The following COL28A1 variants were observed in gnomAD, a reference collection of about 807,000 sequenced individuals.
The protein encoded by COL28A1 is collagen alpha-1(XXVIII) chain.
Under a neutral mutation model 150.2 loss-of-function variants are expected in COL28A1, and 161 were observed. The ratio of observed to expected loss-of-function variants is 1.07; its 90% CI spans 0.94 to 1.22. The LOEUF is 1.22. COL28A1 is among the 50% of genes most tolerant of loss of function. The probability of loss-of-function intolerance (pLI) is 0.00; values close to 1 mark genes in which losing one functional copy is unlikely to be tolerated. For missense variants in COL28A1, 1,617 were observed against 1,388.3 expected (o/e 1.16, Z -2.62); for synonymous variants, 552 against 469.7 (o/e 1.18, Z -2.26).
intron 25 of COL28A1, among the ~76,000 whole-genome samples, chr7:7,424,554 C>T (rs1343029246): frequency 6.6e-6 from 1 of 152,018 alleles, no homozygotes; most frequent in East Asian, 1.9e-4. Context: ...ACATAGCTTC[C>T]CACGCAACAG....
intron 1 of COL28A1, among the ~76,000 whole-genome samples, 183 bp downstream of exon 1, chr7:7,535,567 A>C (rs1782596988): frequency 6.6e-6 from 1 of 152,196 alleles, no homozygotes; most frequent in South Asian, 2.1e-4. Flanking sequence ...TTAAGTTTTA[A>C]ATTTCTACAT....
At chr7:7,527,140 C>T (rs1013434628) in intron 3 of COL28A1, among the ~76,000 whole-genome samples, 1 of 152,098 alleles carries the variant, frequency 6.6e-6, no homozygotes, top group African/African-American at 2.4e-5. Flanking sequence ...TTTGTGTTTG[C>T]TGGAATTTAT....
At chr7:7,420,218 A>G (rs187406766) in intron 25 of COL28A1, 201 of 260,800 alleles carry the variant, frequency 7.7e-4, no homozygotes, top group Non-Finnish European at 1.2e-3. Context: ...AAAAGTAATT[A>G]CGAGTATTGT....
At chr7:7,438,080 C>T (rs78897725) in intron 21 of COL28A1, among the ~76,000 whole-genome samples, 1 of 132,660 alleles carries the variant, frequency 7.5e-6, no homozygotes, top group South Asian at 2.4e-4. Flanking sequence ...ACTAAAAATA[C>T]AAAAAAAAAA....
At position 7,442,008 on chromosome 7, in the gene COL28A1, A is replaced by T. The variant is rs530600002; in HGVS notation, c.1651-1147T>A. Among the ~76,000 whole-genome samples the T allele has an allele frequency of 5.3e-5, 8 of 152,274 alleles. No homozygotes were observed. In the South Asian group the frequency reaches 1.7e-3, roughly 32 times the overall value. ...CCACTACCACTAATTTAGGTTATTG[A>T]CCTAAATCACCCCAGAAATGAACAG... On this transcript the variant is annotated intron_variant, in intron 20 of 34. Coordinates refer to ENST00000399429, the MANE Select transcript of COL28A1 (RefSeq NM_001037763.3).
chr7:7,517,748 G>C (rs964683207), intron 7 of COL28A1, 48 bp downstream of exon 7: 3 of 1,611,826 alleles, frequency 1.9e-6, no homozygotes, highest in Non-Finnish European at 2.5e-6. Flanking sequence ...CACAAAATCA[G>C]TAACCTAGGA....
the COL28A1 span, among the ~76,000 whole-genome samples, chr7:7,351,015 T>C: frequency 4.6e-5 from 7 of 152,140 alleles, no homozygotes; most frequent in African/African-American, 7.2e-5. Context: ...AATTTACTTA[T>C]TGATTTAGAA....
At chr7:7,471,937 T>C (rs971348663) in intron 15 of COL28A1, among the ~76,000 whole-genome samples, 1 of 152,156 alleles carries the variant, frequency 6.6e-6, no homozygotes, top group African/African-American at 2.4e-5. Flanking sequence ...ATGATCTCAA[T>C]AGATGCAGAA....
chr7:7,521,331 C>G (rs1781712883), intron 5 of COL28A1, among the ~76,000 whole-genome samples: 1 of 152,178 alleles, frequency 6.6e-6, no homozygotes, highest in African/African-American at 2.4e-5. Flanking sequence ...AGCACTCCTT[C>G]CTGGATTATC....
At chr7:7,375,540 T>C in intron 30 of COL28A1, 43 bp from the exon 31 acceptor site, 1 of 1,310,150 alleles carries the variant, frequency 7.6e-7, no homozygotes, top group Non-Finnish European at 1.1e-6. Flanking sequence ...TGTATGACTA[T>C]AATATTTTTC....
rs1168702134 is a variant in COL28A1 at position 7,373,322 on chromosome 7, T to G, written c.2584A>C (p.Lys862Gln). Reference sequence around the variant, plus strand: ...TACTGCATGTTGTCCACAGCCAACTTGAAGTCATCCTTGCTGGAGAACTGC... The same window carrying G: ...TACTGCATGTTGTCCACAGCCAACTGGAAGTCATCCTTGCTGGAGAACTGC... ...LKQFSSKDDF[K>Q]LAVDNMQYLG... is the part of the protein sequence containing the mutation. The change falls in exon 32 of 35, where the codon AAG becomes CAG. Residue 862 changes from lysine to glutamine, a missense_variant. Transcript: ENST00000399429. The surrounding 1 kb of genome is among the most constrained non-coding windows in gnomAD (Gnocchi z 4.1). The G allele has an allele frequency of 1.2e-6, 2 of 1,614,194 alleles. No homozygotes were observed. The highest frequency in any genetic ancestry group is 1.7e-6 in the Non-Finnish European group (2 of 1,180,034).
chr7:7,343,688 G>T, the COL28A1 span, among the ~76,000 whole-genome samples: 10 of 152,044 alleles, frequency 6.6e-5, 1 homozygote, highest in East Asian at 9.6e-4. Context: ...TTTTTACTCT[G>T]AACATATTTC....
At chr7:7,409,914 G>C (rs1783689474) in intron 27 of COL28A1, among the ~76,000 whole-genome samples, 1 of 152,138 alleles carries the variant, frequency 6.6e-6, no homozygotes, top group Non-Finnish European at 1.5e-5. Context: ...TCAATTGAGA[G>C]CCTAAAGTTT....
At chr7:7,522,096 A>G in intron 4 of COL28A1, 135 bp from the exon 5 acceptor site, 1 of 707,858 alleles carries the variant, frequency 1.4e-6, no homozygotes, top group Non-Finnish European at 2.6e-6. Flanking sequence ...TGTATTCAGT[A>G]TATAACCAAC....
the COL28A1 span, among the ~76,000 whole-genome samples, chr7:7,340,167 T>A: frequency 6.6e-6 from 1 of 152,078 alleles, no homozygotes; most frequent in African/African-American, 2.4e-5. Context: ...ATTTTTTGTA[T>A]TTTTAGTAGA....
chr7:7,445,941 C>T (rs1331340733), intron 18 of COL28A1, among the ~76,000 whole-genome samples: 1 of 151,678 alleles, frequency 6.6e-6, no homozygotes, highest in African/African-American at 2.4e-5. Context: ...TCACCGCTAC[C>T]TCCGCCTCCC....
intron 27 of COL28A1, among the ~76,000 whole-genome samples, chr7:7,411,919 A>C (rs1783811000): frequency 6.6e-6 from 1 of 152,174 alleles, no homozygotes; most frequent in Non-Finnish European, 1.5e-5. Flanking sequence ...TGCCATGGAG[A>C]CCACCATACT....
At position 7,444,359 on chromosome 7, in the gene COL28A1, C is replaced by G. The variant is rs944711843; in HGVS notation, c.1581+59G>C. ...GGTTTTATTCGAGCTCCTGCAGGAC[C>G]AAGATATCAGTTTGGTTCAACAGTT... On this transcript the variant is annotated intron_variant, in intron 19 of 34. Coordinates refer to ENST00000399429, the MANE Select transcript of COL28A1 (RefSeq NM_001037763.3). 14 of 1,603,868 alleles carry G rather than the reference C, an allele frequency of 8.7e-6. 1 individual carries two copies. In the South Asian group the frequency reaches 1.2e-4, roughly 14 times the overall value.
intron 27 of COL28A1, among the ~76,000 whole-genome samples, chr7:7,412,350 T>G (rs1281287828): frequency 1.3e-5 from 2 of 152,094 alleles, no homozygotes; most frequent in African/African-American, 4.8e-5. Context: ...TGGACGGTTA[T>G]GTGAGCAAAA....
Sources: gnomAD v4.1 joint callset for allele counts (sites outside exome capture counted in the v4.1 genomes callset) on GRCh38, gnomAD v4.1.1 for gene constraint, Gnocchi (gnomAD v3.1) non-coding constraint, MANE v1.5 for transcripts, NCBI Gene and HGNC (gene_info 2026-07-23, HGNC 2026-07-21) for gene names.